Variants in TMEM272 observed in about 807,000 individuals in gnomAD.
TMEM272 encodes the protein transmembrane protein 272, also known as long intergenic non-protein coding RNA 282.
A neutral mutation model predicts 3.7 loss-of-function variants in TMEM272; 8 were observed. That is an observed-to-expected ratio of 2.17 (90% CI 1.27 to 3.91). TMEM272 has a LOEUF of 3.91. TMEM272 is among the 30% of genes most tolerant of loss of function. TMEM272 has a pLI of 0.00. For missense variants in TMEM272, 166 were observed against 91.5 expected, an observed-to-expected ratio of 1.81 and a Z score of -3.32; for synonymous variants, 63 against 39.8, an observed-to-expected ratio of 1.58 and a Z score of -2.20.
chr13:51,855,175 C>T, the TMEM272 span, among the ~76,000 whole-genome samples: 1 of 152,092 alleles, frequency 6.6e-6, no homozygotes, highest in Admixed American at 6.5e-5. Flanking sequence ...AAAATTGCAC[C>T]CAAGGATCTA....
the TMEM272 span, among the ~76,000 whole-genome samples, chr13:51,897,362 A>ATTTTTTTTTTTTT: frequency 6.6e-4 from 54 of 82,442 alleles, 2 homozygotes; most frequent in Non-Finnish European, 9.2e-4. Flanking sequence ...TGTCTGGCTA[A>ATTTTTTTTTTTTT]TTTTTTTTTT....
the TMEM272 span, among the ~76,000 whole-genome samples, chr13:51,902,208 G>GA: frequency 7.9e-5 from 12 of 152,108 alleles, no homozygotes; most frequent in Non-Finnish European, 1.6e-4. Flanking sequence ...GAAGCAAAAT[G>GA]AAAAAAAGCA....
the TMEM272 span, among the ~76,000 whole-genome samples, chr13:51,867,356 G>A: frequency 6.6e-6 from 1 of 152,236 alleles, no homozygotes; most frequent in Admixed American, 6.5e-5. Flanking sequence ...CACAGTGTCT[G>A]TCTCTTGGTA....
chr13:51,883,451 G>A, the TMEM272 span, among the ~76,000 whole-genome samples: 1 of 152,194 alleles, frequency 6.6e-6, no homozygotes, highest in Non-Finnish European at 1.5e-5. Flanking sequence ...GGCCTGAAGT[G>A]GGCAGCCCTC....
At chr13:51,892,841 C>T in the TMEM272 span, among the ~76,000 whole-genome samples, 282 of 152,280 alleles carry the variant, frequency 1.9e-3, 2 homozygotes, top group African/African-American at 6.3e-3. Context: ...GTAATGGCTT[C>T]CTGCAGTTGC....
chr13:51,879,215 G>A, the TMEM272 span, among the ~76,000 whole-genome samples: 1 of 152,148 alleles, frequency 6.6e-6, no homozygotes, highest in Non-Finnish European at 1.5e-5. Context: ...CAGAGATAGC[G>A]AGGTGAGAGC....
At chr13:51,846,009 G>A (rs35382547), upstream of TMEM272, among the ~76,000 whole-genome samples, 1 of 152,100 alleles carries the variant, frequency 6.6e-6, no homozygotes, top group Admixed American at 6.5e-5. Context: ...GGGAGGGACT[G>A]GGGGAGGGAC....
intron 3 of TMEM272, among the ~76,000 whole-genome samples, chr13:51,824,550 C>T (rs539481056): frequency 1.1e-4 from 17 of 152,288 alleles, no homozygotes; most frequent in South Asian, 2.1e-4. Context: ...ACCCTCTTTC[C>T]GCAGTGGATG....
At chr13:51,864,710 C>A in the TMEM272 span, among the ~76,000 whole-genome samples, 2 of 152,200 alleles carry the variant, frequency 1.3e-5, no homozygotes, top group Non-Finnish European at 2.9e-5. Flanking sequence ...AGGGTTTATA[C>A]CTGGGACTGG....
chr13:51,916,098 A>G, the TMEM272 span, among the ~76,000 whole-genome samples: 2 of 152,286 alleles, frequency 1.3e-5, no homozygotes, highest in South Asian at 2.1e-4. Flanking sequence ...AATCACTGAC[A>G]CTTAACACTG....
chr13:51,840,330 A>C (rs1303051714), intron 1 of TMEM272, among the ~76,000 whole-genome samples: 1 of 152,184 alleles, frequency 6.6e-6, no homozygotes. Context: ...GCTTGATCCT[A>C]TTTAACCAGG....
the TMEM272 span, among the ~76,000 whole-genome samples, chr13:51,931,806 T>C: frequency 6.6e-6 from 1 of 152,032 alleles, no homozygotes; most frequent in African/African-American, 2.4e-5. Flanking sequence ...CAGGGTATGC[T>C]GGAGGGCGGG....
At chr13:51,926,606 TG>T in the TMEM272 span, among the ~76,000 whole-genome samples, 1 of 2,216 alleles carries the variant, frequency 4.5e-4, no homozygotes, top group Non-Finnish European at 7.8e-4. Context: ...CCTTCATGGT[TG>T]GGGGTGGGGG....
chr13:51,885,738 GT>G, the TMEM272 span, among the ~76,000 whole-genome samples: 1 of 152,288 alleles, frequency 6.6e-6, no homozygotes, highest in African/African-American at 2.4e-5. Context: ...ACAGAAGCAA[GT>G]TTCCCCTCCT....
At chr13:51,926,000 G>T in the TMEM272 span, among the ~76,000 whole-genome samples, 1 of 152,062 alleles carries the variant, frequency 6.6e-6, no homozygotes, top group East Asian at 1.9e-4. Context: ...TGTGTATGTG[G>T]TATGTGTGGC....
chr13:51,851,626 G>GC, the TMEM272 span, among the ~76,000 whole-genome samples: 1 of 148,008 alleles, frequency 6.8e-6, no homozygotes, highest in Non-Finnish European at 1.5e-5. Flanking sequence ...CTGGGTTCAA[G>GC]CAATTCTCCT....
the TMEM272 span, among the ~76,000 whole-genome samples, chr13:51,914,154 T>C: frequency 1.3e-5 from 2 of 152,230 alleles, no homozygotes; most frequent in African/African-American, 4.8e-5. Context: ...AAGAAGTCAC[T>C]TGATTCCCAA....
the TMEM272 span, among the ~76,000 whole-genome samples, chr13:51,917,298 A>T: frequency 4.6e-5 from 7 of 152,196 alleles, no homozygotes; most frequent in African/African-American, 1.7e-4. Flanking sequence ...GACAAGTTTT[A>T]TTAAGCCTGA....
chr13:51,833,536 A>C (rs1956190688), intron 2 of TMEM272, among the ~76,000 whole-genome samples: 1 of 152,146 alleles, frequency 6.6e-6, no homozygotes, highest in South Asian at 2.1e-4. Context: ...AGGTGTGGGA[A>C]TGAAGGGAAG....
Sources: gnomAD v4.1 joint callset for allele counts (sites outside exome capture counted in the v4.1 genomes callset) on GRCh38, gnomAD v4.1.1 for gene constraint, MANE v1.5 for transcripts, NCBI Gene and HGNC (gene_info 2026-07-23, HGNC 2026-07-21) for gene names.